P2RY12: variants seen among roughly 807,000 people sequenced by gnomAD.
P2RY12 encodes purinergic receptor P2Y12.
A neutral mutation model predicts 4.5 loss-of-function variants in P2RY12; 3 were observed. The ratio of observed to expected loss-of-function variants is 0.67; its 90% CI spans 0.31 to 1.74. The LOEUF is 1.74. P2RY12 is among the 40% of genes most tolerant of loss of function. The probability of loss-of-function intolerance (pLI) is 0.09; values close to 1 mark genes in which losing one functional copy is unlikely to be tolerated. For missense variants in P2RY12, 356 were observed against 407.8 expected (o/e 0.87, Z 1.09); for synonymous variants, 148 against 154.1 (o/e 0.96, Z 0.29).
chr3:151,371,877 C>A (rs1291274472), intron 1 of P2RY12, among the ~76,000 whole-genome samples: 1 of 152,150 alleles, frequency 6.6e-6, no homozygotes, highest in African/African-American at 2.4e-5. Context: ...TGTTTAGTTT[C>A]TTTCCCAGAA....
At chr3:151,368,715 A>G (rs1243425661) in intron 1 of P2RY12, among the ~76,000 whole-genome samples, 1 of 42,002 alleles carries the variant, frequency 2.4e-5, no homozygotes, top group African/African-American at 7.3e-5. Flanking sequence ...ATTTCATTTC[A>G]TTTCATTTCA....
intron 1 of P2RY12, chr3:151,372,875 C>T: frequency 1.4e-6 from 1 of 734,956 alleles, no homozygotes; most frequent in Non-Finnish European, 2.2e-6. Flanking sequence ...TTTTCTTGCT[C>T]ACTTTATTTC....
chr3:151,368,537 CTG>C (rs1165217473), intron 1 of P2RY12, among the ~76,000 whole-genome samples: 1 of 151,938 alleles, frequency 6.6e-6, no homozygotes, highest in Non-Finnish European at 1.5e-5. Context: ...CTCTCACGTA[CTG>C]TGTGTGTTGG....
intron 1 of P2RY12, among the ~76,000 whole-genome samples, chr3:151,380,603 A>G (rs78011237): frequency 1.6e-4 from 25 of 151,958 alleles, no homozygotes; most frequent in South Asian, 4.2e-4. Flanking sequence ...GTCTCAAAAA[A>G]AAAAAAAAAA....
At chr3:151,348,909 T>C (rs182965439) in intron 1 of P2RY12, among the ~76,000 whole-genome samples, 77 of 152,368 alleles carry the variant, frequency 5.1e-4, no homozygotes, top group Admixed American at 4.2e-3. Context: ...TCTTTGTTGC[T>C]GCCACTGCTA....
intron 1 of P2RY12, among the ~76,000 whole-genome samples, chr3:151,356,450 A>G (rs1753934354): frequency 6.6e-6 from 1 of 152,208 alleles, no homozygotes; most frequent in Non-Finnish European, 1.5e-5. Context: ...ATTGCTGTAC[A>G]TTAACATCAT....
rs566458310 is a variant in P2RY12 at position 151,337,727 on chromosome 3, G to C, written c.*90C>G. ...TAGAGTCATTATTATTAACTTAGTT[G>C]CTTCTTCGTCAGTTAATATTTTTAC... is the stretch of plus-strand genomic sequence containing the variant. On this transcript the variant is annotated 3_prime_UTR_variant, in exon 3 of 3. Coordinates refer to ENST00000302632, the MANE Select transcript of P2RY12 (RefSeq NM_022788.5). 4 of 1,269,978 alleles carry C rather than the reference G, an allele frequency of 3.1e-6. No homozygotes were observed. Among genetic ancestry groups the C allele is most frequent in the South Asian group, 2.6e-5 (2 of 77,448 alleles). 78.7% of individuals were successfully genotyped at this position (1,269,978 alleles called of 1,614,324 possible). A position where few individuals can be genotyped will look rare whatever the true frequency, so the allele number is the denominator to read the frequency against.
intron 1 of P2RY12, among the ~76,000 whole-genome samples, chr3:151,364,768 C>G (rs1364610738): frequency 6.6e-6 from 1 of 152,034 alleles, no homozygotes; most frequent in Non-Finnish European, 1.5e-5. Context: ...GTTCTTCCAC[C>G]TATTTAGAAA....
chr3:151,365,633 T>G (rs1755181566), intron 1 of P2RY12, among the ~76,000 whole-genome samples: 1 of 150,186 alleles, frequency 6.7e-6, no homozygotes, highest in Non-Finnish European at 1.5e-5. Context: ...GTACTGATTA[T>G]TGTTTGTTGC....
At chr3:151,351,044 A>G (rs561124609) in intron 1 of P2RY12, among the ~76,000 whole-genome samples, 6 of 152,234 alleles carry the variant, frequency 3.9e-5, no homozygotes, top group East Asian at 1.9e-4. Flanking sequence ...TGTTTACTCT[A>G]TGTAAACAAC....
At chr3:151,351,678 G>A (rs886558823) in intron 1 of P2RY12, among the ~76,000 whole-genome samples, 4 of 152,116 alleles carry the variant, frequency 2.6e-5, no homozygotes, top group African/African-American at 9.7e-5. Flanking sequence ...TTGGCAATGG[G>A]GTAGGGGGGA....
At chr3:151,346,748 A>G (rs1445385366) in intron 1 of P2RY12, among the ~76,000 whole-genome samples, 2 of 152,074 alleles carry the variant, frequency 1.3e-5, no homozygotes, top group African/African-American at 4.8e-5. Context: ...CATAATGTGA[A>G]GGTTTTGCAC....
intron 1 of P2RY12, among the ~76,000 whole-genome samples, chr3:151,379,547 C>T (rs79287628): frequency 1.9e-3 from 293 of 152,306 alleles, no homozygotes; most frequent in Non-Finnish European, 3.2e-3. Flanking sequence ...GTTGGAGCTG[C>T]ACACTAGGGG....
chr3:151,339,592 G>C (rs1324957781), intron 2 of P2RY12, among the ~76,000 whole-genome samples: 1 of 151,680 alleles, frequency 6.6e-6, no homozygotes, highest in Non-Finnish European at 1.5e-5. Context: ...GTGTTTTGAA[G>C]TTGCTGCATA....
chr3:151,341,395 A>G (rs1407182048), intron 1 of P2RY12, among the ~76,000 whole-genome samples: 3 of 152,062 alleles, frequency 2.0e-5, no homozygotes, highest in Non-Finnish European at 4.4e-5. Context: ...GAATTTAAAT[A>G]TAAACAATTT....
intron 2 of P2RY12, among the ~76,000 whole-genome samples, chr3:151,339,087 T>C (rs535497951): frequency 2.2e-4 from 33 of 152,316 alleles, no homozygotes; most frequent in Admixed American, 1.0e-3. Context: ...TGTGAAGTTA[T>C]AGATGCTTAG....
intron 1 of P2RY12, among the ~76,000 whole-genome samples, chr3:151,362,966 T>C (rs1374736882): frequency 6.6e-6 from 1 of 152,138 alleles, no homozygotes; most frequent in Non-Finnish European, 1.5e-5. Flanking sequence ...TTACATGATT[T>C]AGTTCTTACA....
At chr3:151,366,372 G>A (rs1333655484) in intron 1 of P2RY12, among the ~76,000 whole-genome samples, 5 of 152,128 alleles carry the variant, frequency 3.3e-5, no homozygotes, top group Non-Finnish European at 7.4e-5. Context: ...TCTGAAGAAG[G>A]CCACTTTGAT....
chr3:151,356,030 C>T (rs771200549), intron 1 of P2RY12: 19 of 1,610,998 alleles, frequency 1.2e-5, no homozygotes, highest in African/African-American at 1.1e-4. Flanking sequence ...TAATTGACTT[C>T]GCAATACAGG....
Sources: allele counts gnomAD v4.1 joint callset (sites outside exome capture counted in the v4.1 genomes callset), GRCh38; gene constraint gnomAD v4.1.1; transcripts MANE v1.5; gene names NCBI Gene and HGNC (gene_info 2026-07-23, HGNC 2026-07-21).